The following CLRN1 variants were observed in gnomAD, a reference collection of about 807,000 sequenced individuals.
CLRN1 encodes the protein clarin-1.
A neutral mutation model predicts 18.7 loss-of-function variants in CLRN1; 15 were observed. The observed-to-expected ratio is 0.80, with a 90% CI of 0.54 to 1.23. The LOEUF (loss-of-function observed/expected upper bound fraction) is 1.23. Ranked by LOEUF, CLRN1 falls within the 50% of genes most tolerant of loss-of-function variation. The pLI, the probability that CLRN1 is intolerant of heterozygous loss-of-function variation, is 0.00. For missense variants in CLRN1, 311 were observed against 277.5 expected, an observed-to-expected ratio of 1.12 and a Z score of -0.86; for synonymous variants, 104 against 102.9, an observed-to-expected ratio of 1.01 and a Z score of -0.07.
Position 150,927,047 on chromosome 3 carries a change from C to T in CLRN1, c.*889G>A. ...AGACACTATAGCTAGAAAAACAGCC[C>T]CTAATAAGTCATTTTGCATCAAATG... On this transcript the variant is annotated 3_prime_UTR_variant, in exon 3 of 3. Coordinates refer to ENST00000327047, the MANE Select transcript of CLRN1 (RefSeq NM_174878.3). 2.6e-6 allele frequency: 3 copies of T among 1,132,434 alleles called. No individual in the cohort carries two copies. The highest frequency in any genetic ancestry group is 2.7e-5 in the South Asian group (2 of 75,144). 70.1% of individuals were successfully genotyped at this position (1,132,434 alleles called of 1,614,324 possible). A position where few individuals can be genotyped will look rare whatever the true frequency, so the allele number is the denominator to read the frequency against.
intron 1 of CLRN1, among the ~76,000 whole-genome samples, chr3:150,945,216 G>A (rs531734919): frequency 6.6e-6 from 1 of 152,348 alleles, no homozygotes; most frequent in South Asian, 2.1e-4. Context: ...GGGAGAAGCT[G>A]TAGTTCAAGA....
intron 1 of CLRN1, among the ~76,000 whole-genome samples, chr3:150,956,592 C>T (rs371188385): frequency 5.9e-5 from 9 of 152,242 alleles, no homozygotes; most frequent in Admixed American, 1.3e-4. Context: ...TCTGCTATTA[C>T]GAAACAGAGC....
At chr3:150,969,275 T>C (rs971307422) in intron 1 of CLRN1, among the ~76,000 whole-genome samples, 12 of 143,268 alleles carry the variant, frequency 8.4e-5, no homozygotes, top group Non-Finnish European at 1.8e-4. Context: ...AAAGTACATA[T>C]GTGGCTTGTG....
intron 2 of CLRN1, among the ~76,000 whole-genome samples, chr3:150,935,195 C>T (rs1419294428): frequency 6.6e-6 from 1 of 151,412 alleles, no homozygotes; most frequent in African/African-American, 2.4e-5. Context: ...GCTCAATGTG[C>T]AGGTTAGGTA....
At chr3:150,942,793 A>G (rs2107953402) in intron 1 of CLRN1, among the ~76,000 whole-genome samples, 1 of 152,256 alleles carries the variant, frequency 6.6e-6, no homozygotes, top group Admixed American at 6.5e-5. Flanking sequence ...ATGCCTTTGA[A>G]CTTGGATTGG....
intron 2 of CLRN1, among the ~76,000 whole-genome samples, chr3:150,934,724 G>A (rs1269023853): frequency 6.6e-6 from 1 of 152,020 alleles, no homozygotes; most frequent in African/African-American, 2.4e-5. Context: ...TATCACTGCC[G>A]CAACTAAAAA....
rs889658653 is a variant in CLRN1, at chr3:150,927,342, C to T, written c.*594G>A. The T allele has an allele frequency of 2.4e-6, 1 of 416,190 alleles. No homozygotes were observed. Among genetic ancestry groups the T allele is most frequent in the Non-Finnish European group, 4.7e-6 (1 of 212,536 alleles). The allele number at this position is 416,190 out of a possible 1,614,324, so 25.8% of individuals were successfully genotyped here. On this transcript the variant is annotated 3_prime_UTR_variant, in exon 3 of 3. Coordinates refer to ENST00000327047, the MANE Select transcript of CLRN1 (RefSeq NM_174878.3). ...TCTCACTTTATTGCCCAGGCTGTAA[C>T]TCGAACTCCTGAACTCAAATGATCT...
Position 150,941,836 on chromosome 3 carries a change from A to G in CLRN1, c.254-75T>C. 7.5e-6 allele frequency: 10 copies of G among 1,325,910 alleles called. No homozygotes were observed. The South Asian group carries it at 1.0e-4, about 13-fold the overall frequency. 82.1% of individuals were successfully genotyped at this position (1,325,910 alleles called of 1,614,324 possible). A position where few individuals can be genotyped will look rare whatever the true frequency, so the allele number is the denominator to read the frequency against. On this transcript the variant is annotated intron_variant, in intron 1 of 2. Transcript: ENST00000327047. ...CTGCAAGTATAATTTTAAAAATCAA[A>G]TCTCTCTTTTTTAATTTCAAACATC...
intron 1 of CLRN1, among the ~76,000 whole-genome samples, chr3:150,965,407 T>G (rs1715216050): frequency 6.6e-6 from 1 of 152,216 alleles, no homozygotes; most frequent in Non-Finnish European, 1.5e-5. Flanking sequence ...ATCAATATCA[T>G]TCTATCATTA....
At chr3:150,932,605 T>A (rs368189584) in intron 2 of CLRN1, among the ~76,000 whole-genome samples, 1 of 152,218 alleles carries the variant, frequency 6.6e-6, no homozygotes, top group African/African-American at 2.4e-5. Flanking sequence ...AATTTCCTTT[T>A]CAAGGAATAT....
intron 1 of CLRN1, among the ~76,000 whole-genome samples, chr3:150,948,483 C>CAAAAAAAAAAAA: frequency 1.8e-5 from 1 of 54,374 alleles, no homozygotes; most frequent in Non-Finnish European, 2.9e-5. Flanking sequence ...GACTCCGTCT[C>CAAAAAAAAAAAA]AAAAAAAAAA....
intron 2 of CLRN1, among the ~76,000 whole-genome samples, chr3:150,936,963 C>T (rs1403527818): frequency 6.6e-6 from 1 of 152,098 alleles, no homozygotes; most frequent in East Asian, 1.9e-4. Context: ...AGCAGTCTTC[C>T]CTGACCACCA....
chr3:150,961,320 A>G (rs925902164), intron 1 of CLRN1, among the ~76,000 whole-genome samples: 15 of 152,304 alleles, frequency 9.8e-5, no homozygotes, highest in Middle Eastern at 3.4e-3. Context: ...AAGCATTCCA[A>G]TGCTCAGGTC....
At chr3:150,945,003 T>C (rs897613646) in intron 1 of CLRN1, among the ~76,000 whole-genome samples, 3 of 152,130 alleles carry the variant, frequency 2.0e-5, no homozygotes, top group African/African-American at 7.2e-5. Context: ...TAAAGAGGAC[T>C]GGGGCTAGGG....
chr3:150,966,524 T>A (rs983185154), intron 1 of CLRN1, among the ~76,000 whole-genome samples: 1 of 152,200 alleles, frequency 6.6e-6, no homozygotes, highest in Non-Finnish European at 1.5e-5. Context: ...CATTTGTGCT[T>A]TCTCAATAAT....
intron 1 of CLRN1, among the ~76,000 whole-genome samples, chr3:150,953,732 A>G (rs1186786873): frequency 1.3e-5 from 2 of 152,050 alleles, no homozygotes; most frequent in African/African-American, 4.8e-5. Flanking sequence ...TGACCAGGCT[A>G]GTCTTGAACT....
chr3:150,960,704 G>C (rs1374579370), intron 1 of CLRN1, among the ~76,000 whole-genome samples: 1 of 152,176 alleles, frequency 6.6e-6, no homozygotes, highest in Non-Finnish European at 1.5e-5. Context: ...CACCTCTAAG[G>C]AGAACCCCTG....
intron 2 of CLRN1, 137 bp downstream of exon 2, chr3:150,941,445 A>G: frequency 1.1e-6 from 1 of 888,322 alleles, no homozygotes; most frequent in Non-Finnish European, 1.8e-6. Context: ...GTATTTCCAC[A>G]CTTTTTGTTA....
At chr3:150,931,876 G>T (rs1424722133) in intron 2 of CLRN1, among the ~76,000 whole-genome samples, 2 of 152,112 alleles carry the variant, frequency 1.3e-5, no homozygotes, top group Non-Finnish European at 2.9e-5. Context: ...TCCCAAGAAA[G>T]GTTAGAATAA....
Sources: gnomAD v4.1 joint callset for allele counts (sites outside exome capture counted in the v4.1 genomes callset) on GRCh38, gnomAD v4.1.1 for gene constraint, MANE v1.5 for transcripts, NCBI Gene and HGNC (gene_info 2026-07-23, HGNC 2026-07-21) for gene names.